The following KATNAL2 variants were observed in gnomAD, a reference collection of about 807,000 sequenced individuals.
KATNAL2 encodes katanin catalytic subunit A1 like 2, also known as katanin p60 ATPase-containing subunit A-like 2.
A neutral mutation model predicts 76.3 loss-of-function variants in KATNAL2; 52 were observed. The observed-to-expected ratio is 0.68, with a 90% CI of 0.55 to 0.86. KATNAL2 has a LOEUF of 0.86. Ranked by LOEUF, KATNAL2 falls within the 40% of genes least tolerant of loss-of-function variation. The pLI, the probability that KATNAL2 is intolerant of heterozygous loss-of-function variation, is 0.00. For synonymous variants in KATNAL2, 243 were observed against 244.2 expected, an observed-to-expected ratio of 1.00 and a Z score of 0.05; for missense variants, 660 against 668.9, an observed-to-expected ratio of 0.99 and a Z score of 0.15.
intron 15 of KATNAL2, among the ~76,000 whole-genome samples, chr18:47,092,835 A>G (rs763450333): frequency 2.0e-5 from 3 of 152,172 alleles, no homozygotes; most frequent in Non-Finnish European, 4.4e-5. Flanking sequence ...CCTCCTTTGG[A>G]GAGAATCCTC....
At chr18:46,947,513 C>T (rs1270543336) in intron 3 of KATNAL2, among the ~76,000 whole-genome samples, 2 of 151,968 alleles carry the variant, frequency 1.3e-5, no homozygotes, top group Non-Finnish European at 2.9e-5. Context: ...CAATTCTTTC[C>T]ACAGCGATGA....
intron 1 of KATNAL2, among the ~76,000 whole-genome samples, chr18:46,934,670 G>A (rs56355610): frequency 0.012 from 1,759 of 152,236 alleles, 17 homozygotes; most frequent in Non-Finnish European, 0.017. Flanking sequence ...CCATTTGTCA[G>A]TTTTGGCTTT....
chr18:47,036,154 C>T (rs1229589193), intron 3 of KATNAL2, among the ~76,000 whole-genome samples: 1 of 152,040 alleles, frequency 6.6e-6, no homozygotes, highest in Non-Finnish European at 1.5e-5. Flanking sequence ...ATTTTTAATA[C>T]GAGGAAATAA....
chr18:46,942,273 C>A (rs1200311870), intron 1 of KATNAL2, among the ~76,000 whole-genome samples: 1 of 152,126 alleles, frequency 6.6e-6, no homozygotes, highest in African/African-American at 2.4e-5. Flanking sequence ...AATCCTTTTT[C>A]TGCAATTCTA....
chr18:46,920,587 A>C (rs946942257), intron 1 of KATNAL2, among the ~76,000 whole-genome samples: 1 of 152,182 alleles, frequency 6.6e-6, no homozygotes, highest in Admixed American at 6.5e-5. Flanking sequence ...AGAATTCTGA[A>C]ATAGGGTGCT....
intron 1 of KATNAL2, among the ~76,000 whole-genome samples, chr18:46,932,153 C>T (rs1182220786): frequency 1.4e-4 from 22 of 152,086 alleles, no homozygotes; most frequent in Admixed American, 6.5e-4. Flanking sequence ...CCTCGTGATC[C>T]GCCCGCCTTG....
chr18:47,072,872 T>C (rs1384174531), intron 13 of KATNAL2, among the ~76,000 whole-genome samples: 2 of 152,236 alleles, frequency 1.3e-5, no homozygotes, highest in African/African-American at 4.8e-5. Context: ...CTTTCATATG[T>C]CTATATGGTA....
chr18:46,961,243 C>T (rs999398576), intron 3 of KATNAL2, among the ~76,000 whole-genome samples: 1 of 151,478 alleles, frequency 6.6e-6, no homozygotes, highest in African/African-American at 2.4e-5. Flanking sequence ...TTTTCGCTTT[C>T]TCCCTTTCCT....
At chr18:47,085,339 A>G (rs2062723012) in intron 15 of KATNAL2, among the ~76,000 whole-genome samples, 1 of 152,220 alleles carries the variant, frequency 6.6e-6, no homozygotes, top group Admixed American at 6.5e-5. Flanking sequence ...GCCTTTAATC[A>G]TTCCTGGGCT....
rs897361531 is a variant in KATNAL2 at position 47,046,519 on chromosome 18, A to G, written c.114A>G (p.Thr38=). 1.3e-6 allele frequency: 2 copies of G among 1,533,788 alleles called. No homozygotes were observed. Among genetic ancestry groups the G allele is most frequent in the Non-Finnish European group, 1.7e-6 (2 of 1,144,776 alleles). Residue 38 remains threonine, a synonymous_variant, in exon 4 of 18, where the codon ACA becomes ACG. Coordinates refer to ENST00000683218, the MANE Select transcript of KATNAL2 (RefSeq NM_001387690.1). ...TCATTTTGATTTCGCATTATTTAAC[A>G]CAAGAAGGGTATGTTACAGTACAAA... ...NLLILISHYL[T]QEGYIDTANA...
chr18:47,054,602 G>A (rs1298951638), intron 6 of KATNAL2, 164 bp downstream of exon 6: 5 of 691,260 alleles, frequency 7.2e-6, no homozygotes, highest in Non-Finnish European at 7.7e-6. Flanking sequence ...AGCTGCCCCA[G>A]ATTTGGGCCA....
At chr18:46,920,905 A>G (rs995380790) in intron 1 of KATNAL2, among the ~76,000 whole-genome samples, 1 of 152,216 alleles carries the variant, frequency 6.6e-6, no homozygotes, top group Non-Finnish European at 1.5e-5. Flanking sequence ...TCAAAGTACC[A>G]GTGCCAGCCA....
chr18:47,060,223 C>G (rs898545573), intron 8 of KATNAL2, among the ~76,000 whole-genome samples: 1 of 152,098 alleles, frequency 6.6e-6, no homozygotes, highest in African/African-American at 2.4e-5. Flanking sequence ...TTTCAAACTT[C>G]TAGCCTCAAG....
At chr18:47,076,835 A>G (rs535507630) in intron 14 of KATNAL2, among the ~76,000 whole-genome samples, 2 of 149,640 alleles carry the variant, frequency 1.3e-5, no homozygotes, top group Admixed American at 1.3e-4. Flanking sequence ...ATATAGAGAG[A>G]GACGGTCTTC....
At chr18:46,941,353 A>T (rs1024121027) in intron 1 of KATNAL2, among the ~76,000 whole-genome samples, 1 of 152,076 alleles carries the variant, frequency 6.6e-6, no homozygotes, top group Non-Finnish European at 1.5e-5. Flanking sequence ...AACAAAAAAC[A>T]AACAAACAAA....
rs1416430199 is a variant in KATNAL2, at chr18:46,917,677, G to A, written c.-759G>A. On this transcript the variant is annotated 5_prime_UTR_variant, in exon 1 of 18. Coordinates refer to ENST00000683218, the MANE Select transcript of KATNAL2 (RefSeq NM_001387690.1). ...GCGGCTTGGCCCCGCTCGGCCCCAG[G>A]TCGTGCCTTCCCTCCCCGGCGGAGG... 1 of 536,002 alleles carries A rather than the reference G, an allele frequency of 1.9e-6. No homozygotes were observed. Among genetic ancestry groups the A allele is most frequent in the Non-Finnish European group, 2.4e-6 (1 of 417,482 alleles). The allele number at this position is 536,002 out of a possible 1,614,324, so 33.2% of individuals were successfully genotyped here.
intron 15 of KATNAL2, among the ~76,000 whole-genome samples, chr18:47,093,598 C>T (rs905304310): frequency 6.6e-6 from 1 of 151,968 alleles, no homozygotes; most frequent in Non-Finnish European, 1.5e-5. Flanking sequence ...GTGGCATGAC[C>T]ACAGCTCCCT....
intron 3 of KATNAL2, among the ~76,000 whole-genome samples, chr18:46,959,557 T>C (rs1334451074): frequency 6.6e-6 from 1 of 152,204 alleles, no homozygotes; most frequent in African/African-American, 2.4e-5. Context: ...AAAAATAATG[T>C]TTGTTAGGTT....
chr18:46,946,746 G>A, intron 2 of KATNAL2, 108 bp from the exon 3 acceptor site: 2 of 1,135,656 alleles, frequency 1.8e-6, no homozygotes, highest in Non-Finnish European at 2.5e-6. Flanking sequence ...GCGATTGGCG[G>A]GCGTGTCTGG....
Sources: gnomAD v4.1 joint callset for allele counts (sites outside exome capture counted in the v4.1 genomes callset) on GRCh38, gnomAD v4.1.1 for gene constraint, MANE v1.5 for transcripts, NCBI Gene and HGNC (gene_info 2026-07-23, HGNC 2026-07-21) for gene names.